Variants in KLHL1 observed in about 807,000 individuals in gnomAD.
KLHL1 encodes kelch-like protein 1.
Under a neutral mutation model 77.7 loss-of-function variants are expected in KLHL1, and 47 were observed. The observed-to-expected ratio is 0.60, with a 90% CI of 0.48 to 0.77. KLHL1 has a LOEUF of 0.77. Among genes scored for constraint, KLHL1 ranks in the 30% least tolerant of loss-of-function variants. KLHL1 has a pLI of 0.00. For missense variants in KLHL1, 925 were observed against 910.8 expected (o/e 1.02, Z -0.20); for synonymous variants, 360 against 325.2 (o/e 1.11, Z -1.15).
At chr13:69,792,968 C>T (rs764713902) in intron 7 of KLHL1, among the ~76,000 whole-genome samples, 2 of 152,034 alleles carry the variant, frequency 1.3e-5, no homozygotes, top group Non-Finnish European at 2.9e-5. Flanking sequence ...GATGTCTGCT[C>T]ATCTCAATAT....
intron 1 of KLHL1, among the ~76,000 whole-genome samples, chr13:70,000,449 A>C (rs1232230414): frequency 6.6e-6 from 1 of 152,030 alleles, no homozygotes; most frequent in Non-Finnish European, 1.5e-5. Flanking sequence ...AAGCGTATAT[A>C]CATTAGTTAT....
At chr13:69,929,899 A>G (rs577563407) in intron 4 of KLHL1, among the ~76,000 whole-genome samples, 3 of 151,984 alleles carry the variant, frequency 2.0e-5, no homozygotes, top group Admixed American at 2.0e-4. Flanking sequence ...AATAAAATAA[A>G]TATATTTTAA....
intron 4 of KLHL1, among the ~76,000 whole-genome samples, chr13:69,932,909 T>C (rs1566416866): frequency 6.6e-6 from 1 of 152,054 alleles, no homozygotes; most frequent in Non-Finnish European, 1.5e-5. Flanking sequence ...TTAATTAATT[T>C]GATTTTATTA....
chr13:70,046,906 G>A (rs552026570), intron 1 of KLHL1, among the ~76,000 whole-genome samples: 21 of 152,262 alleles, frequency 1.4e-4, no homozygotes, highest in African/African-American at 4.1e-4. Flanking sequence ...TTTTGCTCGA[G>A]ATTATTGTAT....
chr13:69,926,970 A>AG (rs1882838847), intron 4 of KLHL1, among the ~76,000 whole-genome samples: 1 of 146,126 alleles, frequency 6.8e-6, no homozygotes, highest in Non-Finnish European at 1.5e-5. Context: ...AAAAAAAAAA[A>AG]GCAGAGAATT....
chr13:69,705,690 T>C lies in KLHL1; in HGVS notation c.2187+1935A>G, dbSNP rs375514179. ...CAAAATCTTAAAGTAACTTAACAGT[T>C]TTAAATTTAATGTTTACTGTATTAA... On this transcript the variant is annotated intron_variant, in intron 10 of 10. Transcript: ENST00000377844. 1.8e-3 allele frequency among the ~76,000 whole-genome samples: 273 copies of C among 151,836 alleles called. 2 individuals are homozygous for C. Among genetic ancestry groups the C allele is most frequent in the South Asian group, 4.1e-3 (20 of 4,828 alleles).
chr13:70,087,270 T>G (rs1887565583), intron 1 of KLHL1, among the ~76,000 whole-genome samples: 1 of 151,942 alleles, frequency 6.6e-6, no homozygotes, highest in Non-Finnish European at 1.5e-5. Context: ...AAATTGGAAA[T>G]GAAAAAATAT....
intron 5 of KLHL1, among the ~76,000 whole-genome samples, chr13:69,863,130 T>C (rs1880236512): frequency 6.6e-6 from 1 of 152,164 alleles, no homozygotes; most frequent in Non-Finnish European, 1.5e-5. Context: ...ATAACATTCA[T>C]GGTAATTCTC....
At chr13:69,723,585 A>G (rs909949895) in intron 8 of KLHL1, among the ~76,000 whole-genome samples, 1 of 152,028 alleles carries the variant, frequency 6.6e-6, no homozygotes, top group Non-Finnish European at 1.5e-5. Flanking sequence ...GGCCAAAGGC[A>G]CTCTCGAGTT....
At chr13:69,958,941 T>G (rs1040655049) in intron 3 of KLHL1, among the ~76,000 whole-genome samples, 2 of 152,046 alleles carry the variant, frequency 1.3e-5, no homozygotes, top group Admixed American at 6.6e-5. Flanking sequence ...CTTGTTCTTT[T>G]CTATTGTTAT....
chr13:69,707,582 A>C, intron 10 of KLHL1, 43 bp downstream of exon 10: 1 of 1,557,408 alleles, frequency 6.4e-7, no homozygotes, highest in Non-Finnish European at 8.8e-7. Context: ...TAAATGAAAT[A>C]AATTCTTATC....
chr13:70,089,049 C>T (rs1313952686), intron 1 of KLHL1, among the ~76,000 whole-genome samples: 3 of 152,140 alleles, frequency 2.0e-5, no homozygotes, highest in Non-Finnish European at 4.4e-5. Flanking sequence ...TAGCCAGTGA[C>T]TAACTATGGC....
intron 1 of KLHL1, among the ~76,000 whole-genome samples, chr13:70,097,528 G>A (rs992410143): frequency 2.0e-5 from 3 of 151,980 alleles, no homozygotes; most frequent in African/African-American, 7.2e-5. Flanking sequence ...TAGTCTAGTT[G>A]TGTCTCATCC....
intron 1 of KLHL1, among the ~76,000 whole-genome samples, chr13:70,093,093 C>A (rs1411358774): frequency 6.6e-6 from 1 of 151,756 alleles, no homozygotes; most frequent in Non-Finnish European, 1.5e-5. Context: ...ATTATTTAAC[C>A]TTAAAACATG....
chr13:69,821,903 T>C (rs1490323259), intron 6 of KLHL1, among the ~76,000 whole-genome samples: 3 of 151,990 alleles, frequency 2.0e-5, no homozygotes, highest in Non-Finnish European at 4.4e-5. Flanking sequence ...TCACTAGCAC[T>C]AAAAACAGTG....
chr13:70,063,881 T>A (rs1053405047), intron 1 of KLHL1, among the ~76,000 whole-genome samples: 3 of 152,124 alleles, frequency 2.0e-5, no homozygotes, highest in Middle Eastern at 3.2e-3. Flanking sequence ...TATTTATAGG[T>A]GTGTTTATAT....
At chr13:69,820,321 T>C (rs535532285) in intron 6 of KLHL1, among the ~76,000 whole-genome samples, 2 of 152,274 alleles carry the variant, frequency 1.3e-5, no homozygotes, top group South Asian at 4.1e-4. Context: ...AGTAATTACA[T>C]TAAGCAGAAA....
intron 7 of KLHL1, among the ~76,000 whole-genome samples, chr13:69,781,929 TA>T (rs1013204479): frequency 1.3e-5 from 2 of 152,178 alleles, no homozygotes; most frequent in African/African-American, 2.4e-5. Context: ...TTATTGCTTT[TA>T]AAGAGATGAC....
At chr13:70,085,915 G>A (rs1887524520) in intron 1 of KLHL1, among the ~76,000 whole-genome samples, 1 of 152,090 alleles carries the variant, frequency 6.6e-6, no homozygotes, top group South Asian at 2.1e-4. Flanking sequence ...AGAGGATTAT[G>A]TGAGTCTGTC....
Sources: allele counts gnomAD v4.1 joint callset (sites outside exome capture counted in the v4.1 genomes callset), GRCh38; gene constraint gnomAD v4.1.1; transcripts MANE v1.5; gene names NCBI Gene and HGNC (gene_info 2026-07-23, HGNC 2026-07-21).